The following SLC10A1 variants were observed in gnomAD, a reference collection of about 807,000 sequenced individuals.
SLC10A1 encodes solute carrier family 10 member 1, also known as hepatic sodium/bile acid cotransporter.
SLC10A1 carries 36 observed loss-of-function variants against 20.5 expected under a neutral mutation model. The ratio of observed to expected loss-of-function variants is 1.75; its 90% confidence interval spans 1.34 to 2.32. The LOEUF is 2.32. Ranked by LOEUF, SLC10A1 falls within the 30% of genes most tolerant of loss-of-function variation. SLC10A1 has a pLI of 0.00. For missense variants in SLC10A1, 545 were observed against 439.1 expected (o/e 1.24, Z -2.16); for synonymous variants, 188 against 163.6 (o/e 1.15, Z -1.14).
intron 2 of SLC10A1, among the ~76,000 whole-genome samples, chr14:69,783,283 C>T (rs1566636246): frequency 6.8e-6 from 1 of 147,322 alleles, no homozygotes; most frequent in African/African-American, 2.7e-5. Flanking sequence ...TTAAGACAGC[C>T]TTATGGTCTT....
At chr14:69,794,877 G>A (rs1594765657) in intron 1 of SLC10A1, among the ~76,000 whole-genome samples, 1 of 152,216 alleles carries the variant, frequency 6.6e-6, no homozygotes, top group African/African-American at 2.4e-5. Context: ...GGCTCTGCCT[G>A]GGTGGGGCCT....
chr14:69,796,688 C>G (rs1882390895), intron 1 of SLC10A1, 112 bp downstream of exon 1: 1 of 889,942 alleles, frequency 1.1e-6, no homozygotes. Flanking sequence ...CTAGCCTCCA[C>G]CCAGCCTGCA....
rs58118049 is a variant in SLC10A1, at chr14:69,777,605, TAA to T, written c.943+726_943+727del. Among the ~76,000 whole-genome samples the T allele has an allele frequency of 2.2e-3, 199 of 89,020 alleles. 12 individuals are homozygous for T. The highest frequency in any genetic ancestry group is 2.9e-3 in the Non-Finnish European group (152 of 51,590). The allele number at this position is 89,020 out of a possible 152,430, so 58.4% of individuals were successfully genotyped here. ...TTTTTTTTTTTTTTTTTTTTTTTTT[TAA>T]AATTGGTGTTAAAGTGCACTTTGAG... On this transcript the variant is annotated intron_variant, in intron 4 of 4. Transcript: ENST00000216540.
chr14:69,793,004 C>T (rs551830660), intron 1 of SLC10A1, among the ~76,000 whole-genome samples: 2 of 152,300 alleles, frequency 1.3e-5, no homozygotes, highest in South Asian at 2.1e-4. Flanking sequence ...GGGATGCTCC[C>T]TTTGGCAAGT....
Position 69,778,410 on chromosome 14 carries a change from T to A in SLC10A1, c.866A>T (p.Tyr289Phe). The A allele has an allele frequency of 6.2e-7, 1 of 1,613,778 alleles. No individual in the cohort carries two copies. The highest frequency in any genetic ancestry group is 2.2e-5 in the East Asian group (1 of 44,862). ...CCCTTCTCCAAGCTGGAAAATCATG[T>A]AGAGGAGGGGAAAGAAGAAAAGTGG... ...IGPLFFFPLL[Y>F]MIFQLGEGLL... Residue 289 changes from tyrosine to phenylalanine, a missense_variant, in exon 4 of 5, where the codon TAC (tyrosine) becomes TTC (phenylalanine). By Grantham distance (22) the Tyr-to-Phe change is conservative. Coordinates refer to ENST00000216540, the MANE Select transcript of SLC10A1 (RefSeq NM_003049.4).
At chr14:69,782,474 G>A (rs1594761700) in intron 2 of SLC10A1, among the ~76,000 whole-genome samples, 2 of 152,162 alleles carry the variant, frequency 1.3e-5, no homozygotes, top group East Asian at 3.9e-4. Context: ...AATAAGGCAG[G>A]AGACTGAACT....
chr14:69,786,381 A>G (rs1322651734), intron 1 of SLC10A1, 74 bp from the exon 2 acceptor site: 3 of 1,230,028 alleles, frequency 2.4e-6, no homozygotes, highest in African/African-American at 1.5e-5. Context: ...GTGCCTGCTA[A>G]GTGCCACTGT....
intron 2 of SLC10A1, 112 bp from the exon 3 acceptor site, chr14:69,779,472 A>C: frequency 2.7e-6 from 2 of 746,012 alleles, no homozygotes; most frequent in Non-Finnish European, 2.1e-6. Context: ...AAAACACTGG[A>C]AGTGGAAAGG....
chr14:69,779,500 TC>T, intron 2 of SLC10A1, 140 bp from the exon 3 acceptor site: 2 of 444,662 alleles, frequency 4.5e-6, no homozygotes, highest in South Asian at 5.8e-5. Context: ...AAGACCTTTA[TC>T]TTCTTTTTGG....
intron 2 of SLC10A1, among the ~76,000 whole-genome samples, chr14:69,780,768 CTT>C (rs1254194907): frequency 2.0e-5 from 3 of 152,204 alleles, no homozygotes; most frequent in Non-Finnish European, 2.9e-5. Context: ...TATTAAAAGA[CTT>C]ATTAGCTAAT....
Position 69,775,731 on chromosome 14 carries a change from T to G in SLC10A1, c.*551A>C, listed in dbSNP as rs1270036418. 1 of 152,312 alleles carries G rather than the reference T, an allele frequency of 6.6e-6. No individual in the cohort carries two copies. The highest frequency in any genetic ancestry group is 2.4e-5 in the African/African-American group (1 of 41,458). The allele number at this position is 152,312 out of a possible 1,614,324, so 9.4% of individuals were successfully genotyped here. A position where few individuals can be genotyped will look rare whatever the true frequency, so the allele number is the denominator to read the frequency against. On this transcript the variant is annotated 3_prime_UTR_variant, in exon 5 of 5. Coordinates refer to ENST00000216540, the MANE Select transcript of SLC10A1 (RefSeq NM_003049.4). Reference sequence around the variant, plus strand: ...ATTTTTTGAGTTTGTTTTGCCTGATTGCATCTTACTGTGTTCACTTTTGCA... The same window carrying G: ...ATTTTTTGAGTTTGTTTTGCCTGATGGCATCTTACTGTGTTCACTTTTGCA...
intron 1 of SLC10A1, among the ~76,000 whole-genome samples, chr14:69,787,074 A>C (rs549114409): frequency 1.3e-5 from 2 of 152,250 alleles, no homozygotes; most frequent in East Asian, 3.8e-4. Flanking sequence ...CATGTTGAGT[A>C]AGTGACAAGA....
At chr14:69,785,693 G>T (rs1430537776) in intron 2 of SLC10A1, among the ~76,000 whole-genome samples, 3 of 150,868 alleles carry the variant, frequency 2.0e-5, no homozygotes, top group Admixed American at 6.6e-5. Context: ...GCCCTCCCTG[G>T]TTCAAGCGAT....
At chr14:69,783,666 T>A (rs1025440099) in intron 2 of SLC10A1, among the ~76,000 whole-genome samples, 3 of 152,218 alleles carry the variant, frequency 2.0e-5, no homozygotes, top group Non-Finnish European at 4.4e-5. Context: ...AATGAGAGGC[T>A]TTAAGCAGTG....
chr14:69,779,617 G>A (rs1044543635), intron 2 of SLC10A1, among the ~76,000 whole-genome samples: 1 of 152,078 alleles, frequency 6.6e-6, no homozygotes, highest in African/African-American at 2.4e-5. Flanking sequence ...CTCCTGCCTT[G>A]GCCTTCCAAA....
chr14:69,793,805 C>G (rs1163470395), intron 1 of SLC10A1, among the ~76,000 whole-genome samples: 1 of 152,206 alleles, frequency 6.6e-6, no homozygotes, highest in Non-Finnish European at 1.5e-5. Flanking sequence ...GCTGGCATAG[C>G]ACTCTCTTCT....
At chr14:69,781,002 C>G (rs973198091) in intron 2 of SLC10A1, among the ~76,000 whole-genome samples, 6 of 152,140 alleles carry the variant, frequency 3.9e-5, no homozygotes, top group Non-Finnish European at 7.3e-5. Flanking sequence ...TTCTCTGACT[C>G]TTGGGGACTG....
chr14:69,784,454 T>C (rs1463140981), intron 2 of SLC10A1, among the ~76,000 whole-genome samples: 1 of 152,076 alleles, frequency 6.6e-6, no homozygotes, highest in Non-Finnish European at 1.5e-5. Flanking sequence ...GAGGGCCTGG[T>C]CACTCATGAG....
intron 1 of SLC10A1, among the ~76,000 whole-genome samples, chr14:69,790,677 G>A (rs761255539): frequency 2.3e-4 from 35 of 151,934 alleles, no homozygotes; most frequent in Non-Finnish European, 4.0e-4. Flanking sequence ...TATATTAAAC[G>A]TTAAACTTAA....
Sources: gnomAD v4.1 joint callset for allele counts (sites outside exome capture counted in the v4.1 genomes callset) on GRCh38, gnomAD v4.1.1 for gene constraint, MANE v1.5 for transcripts, NCBI Gene and HGNC (gene_info 2026-07-23, HGNC 2026-07-21) for gene names.